The following CLDN2 variants were observed in gnomAD, a reference collection of about 807,000 sequenced individuals.
CLDN2 encodes claudin-2.
Under a neutral mutation model 8.2 loss-of-function variants are expected in CLDN2, and 1 was observed. That is an observed-to-expected ratio of 0.12 (90% CI 0.04 to 0.58). The LOEUF is 0.58. Ranked by LOEUF, CLDN2 falls within the 20% of genes least tolerant of loss-of-function variation. The pLI, the probability that CLDN2 is intolerant of heterozygous loss-of-function variation, is 0.90. For synonymous variants in CLDN2, 70 were observed against 70.2 expected, an observed-to-expected ratio of 1.00 and a Z score of 0.01; for missense variants, 108 against 172.9, an observed-to-expected ratio of 0.62 and a Z score of 2.11.
At chrX:106,904,377 G>A (rs375205699) in intron 1 of CLDN2, among the ~76,000 whole-genome samples, 1 of 112,563 alleles carries the variant, frequency 8.9e-6, no homozygotes, top group East Asian at 2.8e-4. Context: ...CCTGACCTCA[G>A]TGTCCAGCCC....
chrX:106,910,761 G>A (rs948038882), intron 1 of CLDN2, among the ~76,000 whole-genome samples: 3 of 110,538 alleles, frequency 2.7e-5, no homozygotes, highest in Non-Finnish European at 1.9e-5. Flanking sequence ...GAGGCATGGA[G>A]AGATTAAGCA....
chrX:106,902,292 C>G (rs1933113738), intron 1 of CLDN2: 1 of 899,888 alleles, frequency 1.1e-6, no homozygotes, highest in Non-Finnish European at 1.6e-6. Flanking sequence ...AGAGACCTCC[C>G]AAAAGCTTGG....
rs1933494331 is a variant in CLDN2 at position 106,928,107 on chromosome X, G to A, written c.-122G>A. On this transcript the variant is annotated 5_prime_UTR_variant, in exon 2 of 2. Coordinates refer to ENST00000336803, the MANE Select transcript of CLDN2 (RefSeq NM_020384.4). ...GGCCACCCACAGACACTTGTAAGGA[G>A]GAGAGAAGTCAGCCTGGCAGAGAGA... 4 of 517,845 alleles carry A rather than the reference G, an allele frequency of 7.7e-6. No individual in the cohort carries two copies. The highest frequency in any genetic ancestry group is 1.3e-5 in the Non-Finnish European group (4 of 319,565). 42.7% of individuals were successfully genotyped at this position (517,845 alleles called of 1,213,427 possible).
At position 106,900,785 on chromosome X, in the gene CLDN2, CTCT is replaced by C. The variant is rs754067343; in HGVS notation, c.-179+290_-179+292del. On this transcript the variant is annotated intron_variant, in intron 1 of 1. Transcript: ENST00000541806. ...CTTCATCCTCCTGCTCTTCATCTTC[CTCT>C]TCTTCTTCGCTGTCTGAGTCCTCGT... The C allele has an allele frequency of 5.8e-6, 7 of 1,211,150 alleles. No homozygotes were observed. In the South Asian group the frequency reaches 7.0e-5, roughly 12 times the overall value.
intron 1 of CLDN2, chrX:106,901,679 C>G (rs1258785682): frequency 1.9e-6 from 1 of 524,748 alleles, no homozygotes; most frequent in African/African-American, 2.3e-5. Context: ...CCCCCAATAC[C>G]CACCCCTCAA....
At position 106,901,589 on chromosome X, in the gene CLDN2, T is replaced by C. The variant is rs1052694188; in HGVS notation, c.-179+1085T>C. The C allele has an allele frequency of 1.9e-5, 21 of 1,133,108 alleles. No individual in the cohort carries two copies. The African/African-American group carries it at 3.6e-4, about 19-fold the overall frequency. 93.4% of individuals were successfully genotyped at this position (1,133,108 alleles called of 1,213,427 possible). ...GGCTCAAAGTACATGGCTAGATAAC[T>C]TCCTCCTCTGTACTAGAGGTCAGAA... On this transcript the variant is annotated intron_variant, in intron 1 of 1. Transcript: ENST00000541806.
chrX:106,925,576 A>G (rs1225985755), intron 1 of CLDN2, among the ~76,000 whole-genome samples: 2 of 112,490 alleles, frequency 1.8e-5, no homozygotes, highest in Non-Finnish European at 3.8e-5. Context: ...TTTTTAGCAA[A>G]TGGGGAGCCA....
At chrX:106,919,801 A>C (rs917684078), upstream of CLDN2, among the ~76,000 whole-genome samples, 1 of 112,698 alleles carries the variant, frequency 8.9e-6, no homozygotes, top group African/African-American at 3.2e-5. Context: ...CACTTTTGAG[A>C]GGCTTAAATG....
rs773411668 is a variant in CLDN2 at position 106,907,891 on chromosome X, AG to A, written c.-179+7388del. On this transcript the variant is annotated intron_variant, in intron 1 of 1. Transcript: ENST00000541806. ...AATAAAACATTAGTTTATCTATGTCAGTCCCATAAATGTTTATTGAATGAAT... is the reference window on the plus strand; with the variant it reads ...AATAAAACATTAGTTTATCTATGTCATCCCATAAATGTTTATTGAATGAAT... Among the ~76,000 whole-genome samples, 14 of 111,572 alleles carry A rather than the reference AG, an allele frequency of 1.3e-4. No individual in the cohort carries two copies. The East Asian group carries it at 3.3e-3, about 27-fold the overall frequency.
At chrX:106,913,487 C>G (rs1353193579), upstream of CLDN2, among the ~76,000 whole-genome samples, 1 of 112,423 alleles carries the variant, frequency 8.9e-6, no homozygotes, top group Admixed American at 9.4e-5. Flanking sequence ...AAGAAACAAC[C>G]ACTTGTGAAG....
chrX:106,913,440 C>T (rs750045482), upstream of CLDN2, among the ~76,000 whole-genome samples: 8 of 112,228 alleles, frequency 7.1e-5, no homozygotes, highest in East Asian at 1.7e-3. Context: ...TTCACCGATA[C>T]GGTTTAGTTT....
chrX:106,924,122 T>A (rs1054621493), intron 1 of CLDN2, among the ~76,000 whole-genome samples: 1 of 110,932 alleles, frequency 9.0e-6, no homozygotes, highest in African/African-American at 3.3e-5. Flanking sequence ...ATAACTTTGG[T>A]GAGAATATTT....
At chrX:106,905,512 G>A (rs1037085316) in intron 1 of CLDN2, among the ~76,000 whole-genome samples, 4 of 111,738 alleles carry the variant, frequency 3.6e-5, no homozygotes, top group Admixed American at 9.5e-5. Flanking sequence ...TGAGCTAAGC[G>A]TTTCCTTGTA....
upstream of CLDN2, among the ~76,000 whole-genome samples, chrX:106,914,755 A>G (rs1361171924): frequency 8.9e-6 from 1 of 111,966 alleles, no homozygotes; most frequent in Admixed American, 9.5e-5. Context: ...GTTCAATGTC[A>G]ATAGATATAA....
At chrX:106,903,309 G>T in intron 1 of CLDN2, 1 of 1,179,196 alleles carries the variant, frequency 8.5e-7, no homozygotes, top group Non-Finnish European at 1.1e-6. Flanking sequence ...CAAAGCCAGT[G>T]GGGTCTCCTA....
At chrX:106,927,309 C>G (rs373548152) in intron 1 of CLDN2, among the ~76,000 whole-genome samples, 49 of 111,328 alleles carry the variant, frequency 4.4e-4, no homozygotes, top group Non-Finnish European at 8.7e-4. Context: ...TCTTGTCCCC[C>G]CTAACAGATG....
At chrX:106,904,185 A>G (rs1375734043) in intron 1 of CLDN2, among the ~76,000 whole-genome samples, 1 of 112,689 alleles carries the variant, frequency 8.9e-6, no homozygotes, top group Non-Finnish European at 1.9e-5. Flanking sequence ...GTGGTCTCAT[A>G]GGACCATGCC....
At chrX:106,905,746 A>G (rs1259198436) in intron 1 of CLDN2, among the ~76,000 whole-genome samples, 1 of 110,709 alleles carries the variant, frequency 9.0e-6, no homozygotes, top group Non-Finnish European at 1.9e-5. Context: ...CTCATGCCTG[A>G]CCAGACTCAA....
chrX:106,919,300 C>A (rs185479673), upstream of CLDN2, among the ~76,000 whole-genome samples: 98 of 111,479 alleles, frequency 8.8e-4, no homozygotes, highest in South Asian at 0.017. Flanking sequence ...CTATTTTCTT[C>A]TTTATAATTC....
Sources: allele counts gnomAD v4.1 joint callset (sites outside exome capture counted in the v4.1 genomes callset), GRCh38; gene constraint gnomAD v4.1.1; transcripts MANE v1.5; gene names NCBI Gene and HGNC (gene_info 2026-07-23, HGNC 2026-07-21).